ZNF578: variants seen among roughly 807,000 people sequenced by gnomAD.
ZNF578 encodes Putative chemokine-related protein B42.
In ZNF578, 8 loss-of-function variants were observed where a neutral mutation model predicts 8.3. The observed-to-expected ratio is 0.96, with a 90% CI of 0.56 to 1.74. ZNF578 has a LOEUF of 1.74. Ranked by LOEUF, ZNF578 falls within the 40% of genes most tolerant of loss-of-function variation. The pLI is 0.00. For missense variants in ZNF578, 726 were observed against 707.5 expected, an observed-to-expected ratio of 1.03 and a Z score of -0.30; for synonymous variants, 206 against 232.2, an observed-to-expected ratio of 0.89 and a Z score of 1.03.
At position 52,515,620 on chromosome 19, in the gene ZNF578, C is replaced by T. The variant is rs2059471320; in HGVS notation, c.*3466C>T. Among the ~76,000 whole-genome samples, 1 of 152,030 alleles carries T rather than the reference C, an allele frequency of 6.6e-6. No homozygotes were observed. Among genetic ancestry groups the T allele is most frequent in the Admixed American group, 6.5e-5 (1 of 15,268 alleles). On this transcript the variant is annotated 3_prime_UTR_variant, in exon 6 of 6. Transcript: ENST00000421239. ...GTGAAAATGTCTTCCGATCTGAGCC[C>T]CAGTGAGCCTCCCTGCAACTTGGCG...
intron 3 of ZNF578, among the ~76,000 whole-genome samples, chr19:52,492,265 G>C (rs1467804203): frequency 6.6e-6 from 1 of 151,574 alleles, no homozygotes; most frequent in Non-Finnish European, 1.5e-5. Flanking sequence ...GGACCCCCAG[G>C]TTCAGCGATT....
intron 3 of ZNF578, 59 bp from the exon 4 acceptor site, chr19:52,501,768 A>G (rs2059408416): frequency 6.4e-7 from 1 of 1,562,818 alleles, no homozygotes; most frequent in African/African-American, 1.4e-5. Context: ...CTGTGTTTTT[A>G]TCACAGGAAG....
At position 52,512,166 on chromosome 19, in the gene ZNF578, G is replaced by C; in HGVS notation, c.*12G>C. ...GCATGTCATCATAGACTTCATACTG[G>C]AGAGAAACCTTACAAATGTGAAGCA... On this transcript the variant is annotated 3_prime_UTR_variant, in exon 6 of 6. Coordinates refer to ENST00000421239, the MANE Select transcript of ZNF578 (RefSeq NM_001099694.2). 6.2e-7 allele frequency: 1 copy of C among 1,613,838 alleles called. No individual in the cohort carries two copies. Among genetic ancestry groups the C allele is most frequent in the Non-Finnish European group, 8.5e-7 (1 of 1,179,932 alleles).
At chr19:52,473,752 G>T in intron 2 of ZNF578, 1 of 290,972 alleles carries the variant, frequency 3.4e-6, no homozygotes, top group Non-Finnish European at 6.4e-6. Flanking sequence ...TTCCAATGTG[G>T]ATTAACAGAT....
intron 2 of ZNF578, among the ~76,000 whole-genome samples, chr19:52,490,009 A>G (rs2059359943): frequency 6.6e-6 from 1 of 152,234 alleles, no homozygotes; most frequent in Admixed American, 6.5e-5. Flanking sequence ...CCTATTGGAC[A>G]ATAAGAACTC....
At position 52,487,477 on chromosome 19, in the gene ZNF578, G is replaced by T. The variant is rs553532947; in HGVS notation, c.-121-3847G>T. On this transcript the variant is annotated intron_variant, in intron 2 of 5. Transcript: ENST00000421239. ...ATAAGACGTACATTCTATAAATCTTGGCATCAGAGGTTATGTTCCACTTGG... is the reference window on the plus strand; with the variant it reads ...ATAAGACGTACATTCTATAAATCTTTGCATCAGAGGTTATGTTCCACTTGG... Among the ~76,000 whole-genome samples the T allele has an allele frequency of 2.4e-4, 36 of 152,238 alleles. 1 individual carries two copies. The highest frequency in any genetic ancestry group is 7.9e-4 in the African/African-American group (33 of 41,538).
At chr19:52,490,071 G>A (rs2059360158) in intron 2 of ZNF578, among the ~76,000 whole-genome samples, 1 of 152,250 alleles carries the variant, frequency 6.6e-6, no homozygotes, top group East Asian at 1.9e-4. Flanking sequence ...GCCTGCATCA[G>A]GTTTTTGATG....
At chr19:52,499,689 G>GT (rs66824085) in intron 3 of ZNF578, among the ~76,000 whole-genome samples, 41,737 of 141,470 alleles carry the variant, frequency 0.3, 7,208 homozygotes, top group East Asian at 0.47. Flanking sequence ...CTTCCAAATC[G>GT]TTTTTTTTTT....
At chr19:52,454,081 C>T (rs1218642837) in intron 1 of ZNF578, 3 of 152,226 alleles carry the variant, frequency 2.0e-5, no homozygotes, top group Non-Finnish European at 4.4e-5. Context: ...CCCAGGTTTC[C>T]CCTTCACAAC....
rs986820051 is a variant in ZNF578 at position 52,511,510 on chromosome 19, G to A, written c.1129G>A (p.Gly377Ser). 8.1e-6 allele frequency: 13 copies of A among 1,613,616 alleles called. No homozygotes were observed. The highest frequency in any genetic ancestry group is 1.1e-5 in the South Asian group (1 of 91,080). ...AAAACCTTACAAGTGTAATGAGTGT[G>A]GCAAGATGTTTGGTCAAAATTCAAC... ...GIKPYKCNEC[G>S]KMFGQNSTLV... Residue 377 changes from glycine to serine, a missense_variant, in exon 6 of 6, where the codon GGC becomes AGC. By Grantham distance (56) the Gly-to-Ser change is moderately conservative. Transcript: ENST00000421239.
intron 1 of ZNF578, chr19:52,456,285 T>C (rs1392307932): frequency 1.3e-5 from 2 of 152,108 alleles, no homozygotes; most frequent in African/African-American, 4.8e-5. Flanking sequence ...AGCCAGAAGA[T>C]AGGGGTTGTT....
chr19:52,463,160 C>T (rs1325340831), intron 2 of ZNF578, among the ~76,000 whole-genome samples: 1 of 152,126 alleles, frequency 6.6e-6, no homozygotes, highest in Non-Finnish European at 1.5e-5. Context: ...ATAGGGGATA[C>T]TTGTACTGTG....
At chr19:52,480,681 A>G (rs2562028) in intron 2 of ZNF578, among the ~76,000 whole-genome samples, 7,169 of 151,746 alleles carry the variant, frequency 0.047, 555 homozygotes, top group African/African-American at 0.16. Flanking sequence ...GTGGATCACA[A>G]GGTCAGGAGT....
intron 3 of ZNF578, among the ~76,000 whole-genome samples, chr19:52,494,390 T>C (rs1025358120): frequency 8.5e-5 from 13 of 152,052 alleles, no homozygotes; most frequent in Non-Finnish European, 1.9e-4. Context: ...TCAGCTACTC[T>C]GTAGGCAGAG....
At chr19:52,465,054 G>A (rs940885382) in intron 2 of ZNF578, among the ~76,000 whole-genome samples, 8 of 152,082 alleles carry the variant, frequency 5.3e-5, no homozygotes, top group Non-Finnish European at 8.8e-5. Context: ...ACAAATATTG[G>A]GGAATTCCAA....
At chr19:52,484,485 A>G (rs2059338009) in intron 2 of ZNF578, among the ~76,000 whole-genome samples, 2 of 152,132 alleles carry the variant, frequency 1.3e-5, no homozygotes, top group African/African-American at 4.8e-5. Context: ...AACTTTGGAC[A>G]ATACCTGGCT....
At chr19:52,485,305 G>C (rs1164246521) in intron 2 of ZNF578, among the ~76,000 whole-genome samples, 3 of 152,204 alleles carry the variant, frequency 2.0e-5, no homozygotes, top group Non-Finnish European at 4.4e-5. Flanking sequence ...CGCCCCCTCT[G>C]AGTGGAGCTC....
At position 52,511,501 on chromosome 19, in the gene ZNF578, A is replaced by C; in HGVS notation, c.1120A>C (p.Asn374His). The C allele has an allele frequency of 6.2e-7, 1 of 1,613,802 alleles. No individual in the cohort carries two copies. Among genetic ancestry groups the C allele is most frequent in the Non-Finnish European group, 8.5e-7 (1 of 1,179,746 alleles). The stretch of plus-strand genomic sequence containing the variant: ...TACTGGAATAAAACCTTACAAGTGT[A>C]ATGAGTGTGGCAAGATGTTTGGTCA... ...LHTGIKPYKCNECGKMFGQNS... is the reference protein window; with the variant it reads ...LHTGIKPYKCHECGKMFGQNS... Residue 374 changes from asparagine to histidine, a missense_variant, in exon 6 of 6, where the codon AAT becomes CAT. Physicochemically the swap from Asn to His is moderately conservative, Grantham distance 68. Coordinates refer to ENST00000421239, the MANE Select transcript of ZNF578 (RefSeq NM_001099694.2).
At chr19:52,482,277 C>T (rs1475483981) in intron 2 of ZNF578, among the ~76,000 whole-genome samples, 1 of 152,148 alleles carries the variant, frequency 6.6e-6, no homozygotes, top group African/African-American at 2.4e-5. Flanking sequence ...CAGGTGATCT[C>T]CCCACCTGGG....
Sources: allele counts gnomAD v4.1 joint callset (sites outside exome capture counted in the v4.1 genomes callset), GRCh38; gene constraint gnomAD v4.1.1; transcripts MANE v1.5; gene names NCBI Gene and HGNC (gene_info 2026-07-23, HGNC 2026-07-21).